Variants in PHC2 observed in about 807,000 individuals in gnomAD.
PHC2 encodes the protein polyhomeotic-like protein 2.
Under a neutral mutation model 87.4 loss-of-function variants are expected in PHC2, and 29 were observed. The observed-to-expected ratio is 0.33, with a 90% CI of 0.25 to 0.45. The LOEUF is 0.45. PHC2 is among the 20% of genes least tolerant of loss of function. The pLI is 1.00. For missense variants in PHC2, 857 were observed against 1,136.7 expected (o/e 0.75, Z 3.54); for synonymous variants, 438 against 461.7 (o/e 0.95, Z 0.66).
At chr1:33,362,554 T>C (rs1468491029) in intron 7 of PHC2, among the ~76,000 whole-genome samples, 5 of 152,156 alleles carry the variant, frequency 3.3e-5, no homozygotes, top group Non-Finnish European at 7.3e-5. Flanking sequence ...GTCTGAAAGG[T>C]ATGAACTGAC....
chr1:33,328,893 T>C lies in PHC2; in HGVS notation c.2402A>G (p.Tyr801Cys). Residue 801 changes from tyrosine to cysteine, a missense_variant, in exon 14 of 15, where the codon TAC becomes TGC. Physicochemically the swap from Tyr to Cys is radical, Grantham distance 194 (BLOSUM62 -2). Coordinates refer to ENST00000683057, the MANE Select transcript of PHC2 (RefSeq NM_001385109.1). ...EPTKWNVEDV[Y>C]EFIRSLPGCQ... is the part of the protein sequence containing the mutation. ...ACCTGGCAGAGAGCGGATGAATTCG[T>C]AGACGTCTTCTACATTCCACTTGGT... is the stretch of plus-strand genomic sequence containing the variant. 1 of 1,609,996 alleles carries C rather than the reference T, an allele frequency of 6.2e-7. No individual in the cohort carries two copies. Among genetic ancestry groups the C allele is most frequent in the East Asian group, 2.2e-5 (1 of 44,756 alleles).
intron 1 of PHC2, among the ~76,000 whole-genome samples, chr1:33,428,999 C>T (rs1650795977): frequency 6.6e-6 from 1 of 152,248 alleles, no homozygotes; most frequent in Non-Finnish European, 1.5e-5. Flanking sequence ...AGCTTCTGAT[C>T]TTACTACTTA....
At chr1:33,385,686 C>T (rs1274705165) in intron 1 of PHC2, among the ~76,000 whole-genome samples, 1 of 152,146 alleles carries the variant, frequency 6.6e-6, no homozygotes, top group East Asian at 1.9e-4. Context: ...ACCGGCTGGT[C>T]TCAGGCCCTG....
At position 33,371,041 on chromosome 1, in the gene PHC2, C is replaced by T. The variant is rs150111238; in HGVS notation, c.387G>A (p.Ala129=). 4.2e-5 allele frequency: 67 copies of T among 1,614,058 alleles called. No homozygotes were observed. Among genetic ancestry groups the T allele is most frequent in the African/African-American group, 4.0e-4 (30 of 75,020 alleles). The change falls in exon 4 of 15, where the codon GCG becomes GCA. Residue 129 remains alanine, a synonymous_variant. Coordinates refer to ENST00000683057, the MANE Select transcript of PHC2 (RefSeq NM_001385109.1). The part of the protein sequence containing the change: ...QGSTSGSNVS[A]QAPAQSSSIN... ...CCGAAGATGACTGGGCCGGGGCCTG[C>T]GCAGACACATTGCTGCCTGAAGTGC...
rs188370024 is a variant in PHC2 at position 33,336,106 on chromosome 1, G to A, written c.1559-1814C>T. Among the ~76,000 whole-genome samples, 1,017 of 151,208 alleles carry A rather than the reference G, an allele frequency of 6.7e-3. 5 individuals carry two copies. The highest frequency in any genetic ancestry group is 0.01 in the Non-Finnish European group (711 of 67,780). On this transcript the variant is annotated intron_variant, in intron 9 of 14. Transcript: ENST00000683057. ...CAGGTTCAAGCGATTCTCCTGCCTT[G>A]GCCTCCTGAGTAGCTGGGATTACAG...
At chr1:33,402,598 A>T (rs1340055460) in intron 1 of PHC2, among the ~76,000 whole-genome samples, 1 of 152,206 alleles carries the variant, frequency 6.6e-6, no homozygotes, top group Non-Finnish European at 1.5e-5. Flanking sequence ...ATGTTAATTC[A>T]ATGGAATGCT....
At chr1:33,363,308 C>G (rs1250709003) in intron 7 of PHC2, 1 of 152,208 alleles carries the variant, frequency 6.6e-6, no homozygotes. Flanking sequence ...AGATTTGGTG[C>G]TACAGTGGAT....
chr1:33,401,010 A>C (rs1318646509), intron 1 of PHC2, among the ~76,000 whole-genome samples: 2 of 152,206 alleles, frequency 1.3e-5, no homozygotes, highest in Non-Finnish European at 2.9e-5. Context: ...TACAATTATA[A>C]ATCTTTTTGT....
At chr1:33,410,113 G>GA (rs999310702) in intron 1 of PHC2, among the ~76,000 whole-genome samples, 6 of 152,134 alleles carry the variant, frequency 3.9e-5, no homozygotes, top group Non-Finnish European at 7.4e-5. Context: ...CTCCTTTATG[G>GA]AAAAAATGAA....
rs1647591216 is a variant in PHC2, at chr1:33,368,087, C to G, written c.663+449G>C. 6.6e-6 allele frequency among the ~76,000 whole-genome samples: 1 copy of G among 152,318 alleles called. No homozygotes were observed. The highest frequency in any genetic ancestry group is 1.9e-4 in the East Asian group (1 of 5,182). On this transcript the variant is annotated intron_variant, in intron 6 of 14. Transcript: ENST00000683057. This position sits in a 1 kb window ranked among gnomAD's most constrained non-coding sequence, Gnocchi z 6.6. The stretch of plus-strand genomic sequence containing the variant: ...TTCCCCGGCTGCCCACAGAATCTTC[C>G]CAGCCACGGTAGTATCTGTGCGCTC...
chr1:33,343,468 C>CAAAAAAAAAAAAAAAAAAAAAA (rs71006394), intron 9 of PHC2, among the ~76,000 whole-genome samples: 1 of 59,842 alleles, frequency 1.7e-5, no homozygotes, highest in Non-Finnish European at 2.9e-5. Context: ...GACTCTGTCT[C>CAAAAAAAAAAAAAAAAAAAAAA]AAAAAAAAAA....
In PHC2 at chr1:33,334,013, A is replaced by C; in HGVS notation, c.1761+77T>G. On this transcript the variant is annotated intron_variant, in intron 10 of 14. Coordinates refer to ENST00000683057, the MANE Select transcript of PHC2 (RefSeq NM_001385109.1). This position sits in a 1 kb window ranked among gnomAD's most constrained non-coding sequence, Gnocchi z 5.5. ...AATTGTTCACATTTTCAGAAATTTT[A>C]CATGGAAATGTAAAAATATTCTAAG... 1 of 1,297,982 alleles carries C rather than the reference A, an allele frequency of 7.7e-7. No homozygotes were observed. Among genetic ancestry groups the C allele is most frequent in the Middle Eastern group, 1.9e-4 (1 of 5,380 alleles). 80.4% of individuals were successfully genotyped at this position (1,297,982 alleles called of 1,614,324 possible). A position where few individuals can be genotyped will look rare whatever the true frequency, so the allele number is the denominator to read the frequency against.
intron 1 of PHC2, among the ~76,000 whole-genome samples, chr1:33,421,422 T>C (rs1650431094): frequency 6.6e-6 from 1 of 152,106 alleles, no homozygotes; most frequent in African/African-American, 2.4e-5. Context: ...AGTAAAGGGA[T>C]GTAAAATGGA....
At chr1:33,394,672 C>T (rs370215448) in intron 1 of PHC2, among the ~76,000 whole-genome samples, 18 of 152,202 alleles carry the variant, frequency 1.2e-4, no homozygotes, top group African/African-American at 3.9e-4. Context: ...AACTCCTAGG[C>T]TCAAGTGATT....
intron 1 of PHC2, among the ~76,000 whole-genome samples, chr1:33,427,217 T>C (rs543804633): frequency 1.3e-5 from 2 of 152,294 alleles, no homozygotes; most frequent in South Asian, 4.1e-4. Context: ...ACAGAATGTA[T>C]ACAAAGAGCT....
Position 33,349,431 on chromosome 1 carries a change from G to A in PHC2, c.1558+4970C>T. On this transcript the variant is annotated intron_variant, in intron 9 of 14. Coordinates refer to ENST00000683057, the MANE Select transcript of PHC2 (RefSeq NM_001385109.1). This position sits in a 1 kb window ranked among gnomAD's most constrained non-coding sequence, Gnocchi z 4.2. Reference sequence around the variant, plus strand: ...CAGGCGAGCGAGGCTGGGGAGCAGGGCACCTCCCAGGCGCCGCGCGGACGA... The same window carrying A: ...CAGGCGAGCGAGGCTGGGGAGCAGGACACCTCCCAGGCGCCGCGCGGACGA... The A allele has an allele frequency of 8.1e-6, 8 of 985,262 alleles. No individual in the cohort carries two copies. The highest frequency in any genetic ancestry group is 9.6e-6 in the Non-Finnish European group (8 of 829,874). 61.0% of individuals were successfully genotyped at this position (985,262 alleles called of 1,614,324 possible).
At chr1:33,424,996 T>C (rs925564787) in intron 1 of PHC2, among the ~76,000 whole-genome samples, 2 of 152,218 alleles carry the variant, frequency 1.3e-5, no homozygotes, top group African/African-American at 4.8e-5. Flanking sequence ...CACTAAGTAT[T>C]TGCTGTGCAG....
intron 7 of PHC2, among the ~76,000 whole-genome samples, chr1:33,359,322 G>A (rs1380473229): frequency 2.0e-5 from 3 of 152,264 alleles, no homozygotes; most frequent in Middle Eastern, 3.4e-3. Context: ...GACTCTTGCC[G>A]CAAAGTATAT....
Position 33,323,999 on chromosome 1 carries a change from G to A in PHC2, c.*866C>T, listed in dbSNP as rs1646319828. ...GAGGCTCAGCCCTTTGGGCTATGTTGCTCAGACCACCGCAGCTTTCTTAAT... is the reference window on the plus strand; with the variant it reads ...GAGGCTCAGCCCTTTGGGCTATGTTACTCAGACCACCGCAGCTTTCTTAAT... On this transcript the variant is annotated 3_prime_UTR_variant, in exon 15 of 15. Coordinates refer to ENST00000683057, the MANE Select transcript of PHC2 (RefSeq NM_001385109.1). The A allele has an allele frequency of 6.6e-6, 1 of 152,310 alleles. No individual in the cohort carries two copies. Among genetic ancestry groups the A allele is most frequent in the Non-Finnish European group, 1.5e-5 (1 of 68,106 alleles). The allele number at this position is 152,310 out of a possible 1,614,324, so 9.4% of individuals were successfully genotyped here. A position where few individuals can be genotyped will look rare whatever the true frequency, so the allele number is the denominator to read the frequency against.
Sources: allele counts gnomAD v4.1 joint callset (sites outside exome capture counted in the v4.1 genomes callset), GRCh38; gene constraint gnomAD v4.1.1; non-coding constraint Gnocchi (gnomAD v3.1); transcripts MANE v1.5; gene names NCBI Gene and HGNC (gene_info 2026-07-23, HGNC 2026-07-21).